The following ZNF506 variants were observed in gnomAD, a reference collection of about 807,000 sequenced individuals.
The protein encoded by ZNF506 is zinc finger protein 506.
In ZNF506, 10 loss-of-function variants were observed where a neutral mutation model predicts 11.6. The ratio of observed to expected loss-of-function variants is 0.86; its 90% CI spans 0.53 to 1.46. ZNF506 has a LOEUF of 1.46. Among genes scored for constraint, ZNF506 ranks in the 40% most tolerant of loss-of-function variants. The pLI is 0.00. For synonymous variants in ZNF506, 156 were observed against 173.3 expected, an observed-to-expected ratio of 0.90 and a Z score of 0.78; for missense variants, 425 against 521.2, an observed-to-expected ratio of 0.82 and a Z score of 1.80.
intron 3 of ZNF506, chr19:19,799,354 C>A: frequency 1.9e-6 from 1 of 534,508 alleles, no homozygotes; most frequent in Non-Finnish European, 3.3e-6. Context: ...CAGTAAAAAA[C>A]AATTATTTCT....
intron 1 of ZNF506, among the ~76,000 whole-genome samples, chr19:19,816,713 CTCCCAACCTCAGGTGA>C (rs1402445580): frequency 2.0e-5 from 3 of 151,852 alleles, no homozygotes; most frequent in Non-Finnish European, 4.4e-5. Context: ...TGGTCGCGTA[CTCCCAACCTCAGGTGA>C]TCTGCTCAAC....
rs569967113 is a variant in ZNF506, at chr19:19,817,781, T to C, written c.3+3820A>G. ...TTTTGAAACTGTTTCAATAGTCCTG[T>C]GAAATTACTCAAACACAGTGTTTAC... On this transcript the variant is annotated intron_variant, in intron 1 of 3. Transcript: ENST00000540806. Among the ~76,000 whole-genome samples, 19 of 152,112 alleles carry C rather than the reference T, an allele frequency of 1.2e-4. 1 individual carries two copies. In the South Asian group the frequency reaches 3.3e-3, roughly 27 times the overall value.
chr19:19,812,487 C>T (rs752547411), intron 1 of ZNF506, among the ~76,000 whole-genome samples: 1 of 152,242 alleles, frequency 6.6e-6, no homozygotes, highest in Non-Finnish European at 1.5e-5. Context: ...TGGTTGTGAT[C>T]ATGGCTCTGG....
At position 19,806,194 on chromosome 19, in the gene ZNF506, C is replaced by T. The variant is rs919404460; in HGVS notation, c.131-68G>A. ...TCCAATTACAAGCTAGTACTGTGCT[C>T]AGCAGAGAGGATGTGATAAAGTATT... is the stretch of plus-strand genomic sequence containing the variant. On this transcript the variant is annotated intron_variant, in intron 2 of 3. Coordinates refer to ENST00000540806, the MANE Select transcript of ZNF506 (RefSeq NM_001099269.3). The T allele has an allele frequency of 4.4e-6, 5 of 1,126,552 alleles. No individual in the cohort carries two copies. The African/African-American group carries it at 8.1e-5, about 18-fold the overall frequency. 69.8% of individuals were successfully genotyped at this position (1,126,552 alleles called of 1,614,324 possible). A position where few individuals can be genotyped will look rare whatever the true frequency, so the allele number is the denominator to read the frequency against.
At chr19:19,801,238 C>A (rs1056060219) in intron 3 of ZNF506, among the ~76,000 whole-genome samples, 1 of 152,128 alleles carries the variant, frequency 6.6e-6, no homozygotes, top group Non-Finnish European at 1.5e-5. Flanking sequence ...CGCCCATAAT[C>A]CCAGCCCTTT....
At chr19:19,799,460 CA>C in intron 3 of ZNF506, 3 of 671,284 alleles carry the variant, frequency 4.5e-6, no homozygotes, top group South Asian at 1.6e-5. Context: ...CCTGTTAGGT[CA>C]AAAACAAAGT....
chr19:19,820,721 A>G (rs2062962049), intron 1 of ZNF506: 1 of 152,084 alleles, frequency 6.6e-6, no homozygotes, highest in African/African-American at 2.4e-5. Flanking sequence ...TAAAATAACA[A>G]CTACGTAACT....
rs192386989 is a variant in ZNF506, at chr19:19,818,734, G to C, written c.3+2867C>G. 5.6e-3 allele frequency among the ~76,000 whole-genome samples: 852 copies of C among 152,294 alleles called. 8 individuals carry two copies. Among genetic ancestry groups the C allele is most frequent in the African/African-American group, 0.018 (767 of 41,560 alleles). On this transcript the variant is annotated intron_variant, in intron 1 of 3. Coordinates refer to ENST00000540806, the MANE Select transcript of ZNF506 (RefSeq NM_001099269.3). ...AAACACTGATGCAGCTGAGTGCAGT[G>C]GCTCATGTCTGTAATCCCAGCACTT...
At chr19:19,810,539 T>G (rs772689701) in intron 1 of ZNF506, among the ~76,000 whole-genome samples, 3 of 152,166 alleles carry the variant, frequency 2.0e-5, no homozygotes, top group Non-Finnish European at 4.4e-5. Flanking sequence ...TTTCTTCTAT[T>G]TATCGGTCAT....
chr19:19,809,471 T>TC (rs386365487), intron 1 of ZNF506, among the ~76,000 whole-genome samples: 2 of 151,994 alleles, frequency 1.3e-5, no homozygotes, highest in African/African-American at 4.8e-5. Context: ...TTATTTTTTT[T>TC]CTTCCTCCTT....
intron 1 of ZNF506, among the ~76,000 whole-genome samples, chr19:19,819,364 G>A (rs905733605): frequency 2.0e-5 from 3 of 151,706 alleles, no homozygotes; most frequent in African/African-American, 4.9e-5. Context: ...ATGTCTCAAG[G>A]GGTTAGCTTT....
intron 3 of ZNF506, among the ~76,000 whole-genome samples, chr19:19,805,015 T>C (rs968887114): frequency 1.3e-5 from 2 of 151,990 alleles, no homozygotes; most frequent in African/African-American, 4.8e-5. Flanking sequence ...CAAACCAACA[T>C]GGCACATGTA....
chr19:19,819,530 C>A (rs1204289133), intron 1 of ZNF506, among the ~76,000 whole-genome samples: 1 of 152,120 alleles, frequency 6.6e-6, no homozygotes, highest in Admixed American at 6.5e-5. Context: ...GCAGACATAG[C>A]CATGGTGGGT....
intron 1 of ZNF506, 99 bp downstream of exon 1, chr19:19,821,502 G>C: frequency 2.0e-6 from 3 of 1,493,760 alleles, no homozygotes; most frequent in Non-Finnish European, 2.8e-6. Flanking sequence ...CTGACTGCCG[G>C]GAGGCCTGAG....
chr19:19,795,458 T>G lies in ZNF506; in HGVS notation c.429A>C (p.Lys143Asn). ...TCACATATTCATCACATTGAAATAT[T>G]TTTCTCTGGGTAGTTGCCAAACATT... The part of the protein sequence containing the change: ...LKQCLATTQR[K>N]IFQCDEYVKF... The change falls in exon 4 of 4, where the codon AAA becomes AAC. Residue 143 changes from lysine to asparagine, a missense_variant. Physicochemically the swap from Lys to Asn is moderately conservative, Grantham distance 94. Around this residue, in one of 3 missense-constraint regions of ZNF506, gnomAD observed 226 missense variants for 279.1 expected, o/e 0.81. Transcript: ENST00000540806. The G allele has an allele frequency of 6.3e-7, 1 of 1,596,468 alleles. No individual in the cohort carries two copies. The highest frequency in any genetic ancestry group is 8.5e-7 in the Non-Finnish European group (1 of 1,173,310).
intron 1 of ZNF506, among the ~76,000 whole-genome samples, chr19:19,814,440 A>T (rs546713640): frequency 2.4e-5 from 2 of 84,442 alleles, no homozygotes; most frequent in South Asian, 6.2e-4. Context: ...ATAATAATGC[A>T]GAAACAGAAA....
At chr19:19,798,531 G>T (rs1361905259) in intron 3 of ZNF506, 2 of 128,332 alleles carry the variant, frequency 1.6e-5, no homozygotes, top group African/African-American at 2.9e-5. Flanking sequence ...GGTGGGCGCC[G>T]GTAGTTCCAG....
intron 1 of ZNF506, among the ~76,000 whole-genome samples, 157 bp from the exon 2 acceptor site, chr19:19,807,225 G>A (rs544255490): frequency 5.1e-4 from 77 of 152,310 alleles, no homozygotes; most frequent in African/African-American, 1.8e-3. Context: ...ATTCTCTAAT[G>A]TATTCTCTAA....
In ZNF506 at chr19:19,793,366, ACT is replaced by A. The variant is rs777352645; in HGVS notation, c.*1184_*1185del. ...TCTGCAAAAATATACTTTAGTATAAACTCTCTGATGTTTTCTAAGCTATAGAT... is the reference window on the plus strand; with the variant it reads ...TCTGCAAAAATATACTTTAGTATAAACTCTGATGTTTTCTAAGCTATAGAT... On this transcript the variant is annotated 3_prime_UTR_variant, in exon 4 of 4. Transcript: ENST00000540806. 1.4e-4 allele frequency among the ~76,000 whole-genome samples: 21 copies of A among 152,180 alleles called. No individual in the cohort carries two copies. The highest frequency in any genetic ancestry group is 2.2e-4 in the Non-Finnish European group (15 of 67,994).
Sources: gnomAD v4.1 joint callset for allele counts (sites outside exome capture counted in the v4.1 genomes callset) on GRCh38, gnomAD v4.1.1 for gene constraint, gnomAD v4.1.1 regional missense constraint, MANE v1.5 for transcripts, NCBI Gene and HGNC (gene_info 2026-07-23, HGNC 2026-07-21) for gene names.